Variants in KLF12 observed in about 807,000 individuals in gnomAD.
The protein encoded by KLF12 is KLF transcription factor 12.
A neutral mutation model predicts 37.8 loss-of-function variants in KLF12; 9 were observed. That is an observed-to-expected ratio of 0.24 (90% CI 0.14 to 0.42). The LOEUF (loss-of-function observed/expected upper bound fraction) is 0.42. Among genes scored for constraint, KLF12 ranks in the 10% least tolerant of loss-of-function variants. The pLI, the probability that KLF12 is intolerant of heterozygous loss-of-function variation, is 1.00. For synonymous variants in KLF12, 208 were observed against 202.1 expected (o/e 1.03, Z -0.25); for missense variants, 411 against 516.0 (o/e 0.80, Z 1.97).
At chr13:73,918,836 T>C (rs1888976551) in intron 3 of KLF12, among the ~76,000 whole-genome samples, 1 of 152,194 alleles carries the variant, frequency 6.6e-6, no homozygotes, top group East Asian at 1.9e-4. Flanking sequence ...CTCTAAACCG[T>C]GCTGCTATTA....
intron 2 of KLF12, among the ~76,000 whole-genome samples, chr13:73,953,418 A>G (rs1382640248): frequency 1.3e-5 from 2 of 152,258 alleles, no homozygotes; most frequent in African/African-American, 4.8e-5. Context: ...CAAAACCAAA[A>G]AACAAAATAC....
Position 73,686,426 on chromosome 13 carries a change from C to T in KLF12, c.*9064G>A, listed in dbSNP as rs574606155. 1.3e-5 allele frequency: 2 copies of T among 152,684 alleles called. No homozygotes were observed. Among genetic ancestry groups the T allele is most frequent in the South Asian group, 2.1e-4 (1 of 4,824 alleles). 9.5% of individuals were successfully genotyped at this position (152,684 alleles called of 1,614,324 possible). On this transcript the variant is annotated 3_prime_UTR_variant, in exon 8 of 8. Coordinates refer to ENST00000377669, the MANE Select transcript of KLF12 (RefSeq NM_007249.5). ...GTATATTTACAATACATACACTATA[C>T]ATAAATACAAGAACAACACTTACAT...
chr13:74,294,128 T>G, the KLF12 span, among the ~76,000 whole-genome samples: 5 of 152,332 alleles, frequency 3.3e-5, no homozygotes, highest in African/African-American at 1.2e-4. Context: ...AACTTCTAGG[T>G]GAAGCCATGT....
At position 73,695,322 on chromosome 13, in the gene KLF12, G is replaced by T. The variant is rs1045490773; in HGVS notation, c.*168C>A. 3.3e-5 allele frequency: 21 copies of T among 641,340 alleles called. No individual in the cohort carries two copies. Among genetic ancestry groups the T allele is most frequent in the Non-Finnish European group, 5.0e-5 (19 of 376,682 alleles). 39.7% of individuals were successfully genotyped at this position (641,340 alleles called of 1,614,324 possible). ...CGGTTCTCGTCTAGTCATGATGGGG[G>T]TTACCTTCAGACCAAAAGAAGTGTG... On this transcript the variant is annotated 3_prime_UTR_variant, in exon 8 of 8. Transcript: ENST00000377669.
chr13:73,787,634 T>C lies in KLF12; in HGVS notation c.807-22634A>G, dbSNP rs187039095. Among the ~76,000 whole-genome samples the C allele has an allele frequency of 2.2e-3, 334 of 152,254 alleles. 1 individual carries two copies. The highest frequency in any genetic ancestry group is 3.5e-3 in the Non-Finnish European group (238 of 68,014). ...CTGCAATTTAGAGAAACTAAGTAACTTGAAAGATCACAAAGCTGGTACATG... is the reference window on the plus strand; with the variant it reads ...CTGCAATTTAGAGAAACTAAGTAACCTGAAAGATCACAAAGCTGGTACATG... On this transcript the variant is annotated intron_variant, in intron 5 of 7. Transcript: ENST00000377669.
rs1353037572 is a variant in KLF12 at position 73,690,576 on chromosome 13, C to A, written c.*4914G>T. On this transcript the variant is annotated 3_prime_UTR_variant, in exon 8 of 8. Coordinates refer to ENST00000377669, the MANE Select transcript of KLF12 (RefSeq NM_007249.5). ...TAAAATGACTTCATTATATTTTAAA[C>A]CATCCTGGCTAAACCATGACAAGTG... The A allele has an allele frequency of 6.6e-6, 1 of 152,176 alleles. No homozygotes were observed. The highest frequency in any genetic ancestry group is 2.4e-5 in the African/African-American group (1 of 41,426). The allele number at this position is 152,176 out of a possible 1,614,324, so 9.4% of individuals were successfully genotyped here. A position where few individuals can be genotyped will look rare whatever the true frequency, so the allele number is the denominator to read the frequency against.
rs1184659945 is a variant in KLF12 at position 73,817,324 on chromosome 13, A to AAAAAAAAG, written c.671-4038_671-4037insCTTTTTTT. Among the ~76,000 whole-genome samples, 356 of 97,858 alleles carry AAAAAAAAG rather than the reference A, an allele frequency of 3.6e-3. 1 individual carries two copies. The highest frequency in any genetic ancestry group is 0.011 in the African/African-American group (340 of 32,220). The allele number at this position is 97,858 out of a possible 152,430, so 64.2% of individuals were successfully genotyped here. On this transcript the variant is annotated intron_variant, in intron 4 of 7. Transcript: ENST00000377669. ...ACAGAGTGAGATCCTGTTTCAAAAA[A>AAAAAAAAG]AAAAGAAAAGAAAAAAAAGAAAAAC...
intron 5 of KLF12, among the ~76,000 whole-genome samples, chr13:73,769,554 T>G (rs901910138): frequency 1.3e-5 from 2 of 152,116 alleles, no homozygotes; most frequent in African/African-American, 4.8e-5. Context: ...TTAAACTCAC[T>G]CTGTAGCTAA....
At chr13:73,758,029 T>C (rs890368989) in intron 6 of KLF12, among the ~76,000 whole-genome samples, 4 of 152,128 alleles carry the variant, frequency 2.6e-5, no homozygotes, top group Admixed American at 6.6e-5. Context: ...CTTCTTCATG[T>C]TTCATTATGA....
chr13:74,115,406 T>C (rs1264119343), intron 1 of KLF12, among the ~76,000 whole-genome samples: 1 of 152,174 alleles, frequency 6.6e-6, no homozygotes, highest in Non-Finnish European at 1.5e-5. Context: ...TCAAAGGCTC[T>C]AGAAAAGAAT....
intron 3 of KLF12, among the ~76,000 whole-genome samples, chr13:73,894,446 T>C (rs1887663037): frequency 6.6e-6 from 1 of 152,210 alleles, no homozygotes; most frequent in Non-Finnish European, 1.5e-5. Flanking sequence ...TTTATTCTTT[T>C]AAAAATTTCT....
chr13:74,060,770 C>A (rs1873549295), intron 1 of KLF12, among the ~76,000 whole-genome samples: 1 of 152,076 alleles, frequency 6.6e-6, no homozygotes, highest in South Asian at 2.1e-4. Flanking sequence ...TTCTCTCTTA[C>A]CTGATTGCTC....
At chr13:74,277,336 T>C in the KLF12 span, among the ~76,000 whole-genome samples, 14 of 152,170 alleles carry the variant, frequency 9.2e-5, no homozygotes, top group Non-Finnish European at 1.9e-4. Context: ...TGTTTGACCA[T>C]GTTTGTGAAG....
intron 1 of KLF12, among the ~76,000 whole-genome samples, chr13:74,017,258 TAAAAAAAAAAAAAAAAAA>T (rs56321692): frequency 1.8e-4 from 8 of 45,590 alleles, no homozygotes; most frequent in Admixed American, 2.9e-4. Flanking sequence ...GCCCTCAACC[TAAAAAAAAAAAAAAAAAA>T]AAAAAAAAAA....
chr13:73,962,732 T>C (rs1023367692), intron 2 of KLF12, among the ~76,000 whole-genome samples: 7 of 152,218 alleles, frequency 4.6e-5, no homozygotes, highest in African/African-American at 1.7e-4. Context: ...ATATACTCTG[T>C]ACCATGGTCT....
chr13:74,239,695 A>T, the KLF12 span, among the ~76,000 whole-genome samples: 1 of 144,954 alleles, frequency 6.9e-6, no homozygotes, highest in Non-Finnish European at 1.5e-5. Flanking sequence ...CCATTATGTA[A>T]TGGCCTTCTT....
chr13:73,808,482 T>C (rs1384745415), intron 5 of KLF12, among the ~76,000 whole-genome samples: 3 of 152,298 alleles, frequency 2.0e-5, no homozygotes, highest in Middle Eastern at 3.4e-3. Context: ...CAGAGGTCGA[T>C]TCAGATTGCT....
intron 2 of KLF12, among the ~76,000 whole-genome samples, chr13:73,981,075 G>A (rs1891677847): frequency 6.6e-6 from 1 of 152,134 alleles, no homozygotes; most frequent in African/African-American, 2.4e-5. Flanking sequence ...CAGGAGGATT[G>A]CTTGAGCCAG....
At chr13:74,280,456 G>A in the KLF12 span, among the ~76,000 whole-genome samples, 1 of 152,164 alleles carries the variant, frequency 6.6e-6, no homozygotes, top group African/African-American at 2.4e-5. Flanking sequence ...TTACCCTTAA[G>A]CCATATAAAA....
Sources: allele counts gnomAD v4.1 joint callset (sites outside exome capture counted in the v4.1 genomes callset), GRCh38; gene constraint gnomAD v4.1.1; transcripts MANE v1.5; gene names NCBI Gene and HGNC (gene_info 2026-07-23, HGNC 2026-07-21).